The following PHIP variants were observed in gnomAD, a reference collection of about 807,000 sequenced individuals.
PHIP encodes the protein PH-interacting protein.
PHIP carries 54 observed loss-of-function variants against 236.8 expected under a neutral mutation model. That is an observed-to-expected ratio of 0.23 (90% CI 0.18 to 0.29). PHIP has a LOEUF of 0.29. Among genes scored for constraint, PHIP ranks in the 10% least tolerant of loss-of-function variants. The pLI is 1.00. For missense variants in PHIP, 1,370 were observed against 2,190.8 expected, an observed-to-expected ratio of 0.63 and a Z score of 7.48; for synonymous variants, 756 against 718.9, an observed-to-expected ratio of 1.05 and a Z score of -0.83.
At chr6:79,010,255 T>C (rs886800750) in intron 15 of PHIP, among the ~76,000 whole-genome samples, 2 of 151,854 alleles carry the variant, frequency 1.3e-5, no homozygotes, top group Non-Finnish European at 2.9e-5. Flanking sequence ...AAAACTAAAG[T>C]ACAGGTCACA....
chr6:78,947,499 G>A (rs959066237), intron 36 of PHIP, 124 bp downstream of exon 36: 4 of 556,480 alleles, frequency 7.2e-6, no homozygotes, highest in African/African-American at 5.8e-5. Context: ...TTTCCAGTAG[G>A]ACAACATTAA....
chr6:78,972,588 G>C (rs1438816227), intron 24 of PHIP, among the ~76,000 whole-genome samples: 1 of 152,116 alleles, frequency 6.6e-6, no homozygotes, highest in African/African-American at 2.4e-5. Flanking sequence ...CTGAGCTACA[G>C]GAGGACATTC....
chr6:79,038,352 A>G (rs1772046320), intron 7 of PHIP, among the ~76,000 whole-genome samples: 2 of 152,200 alleles, frequency 1.3e-5, no homozygotes, highest in South Asian at 4.1e-4. Context: ...CTCTTTTGTA[A>G]GGGCACTAAT....
At chr6:79,045,300 G>A (rs989031954) in intron 6 of PHIP, among the ~76,000 whole-genome samples, 1 of 152,138 alleles carries the variant, frequency 6.6e-6, no homozygotes, top group African/African-American at 2.4e-5. Context: ...GTATAGTTCA[G>A]TAGTTGTACA....
intron 15 of PHIP, among the ~76,000 whole-genome samples, chr6:79,013,216 G>GT (rs761870882): frequency 2.9e-4 from 44 of 151,788 alleles, no homozygotes; most frequent in Non-Finnish European, 2.8e-4. Context: ...CCCAAAGGAG[G>GT]TAAAATATGT....
chr6:78,989,020 C>T (rs1439473436), intron 20 of PHIP, among the ~76,000 whole-genome samples: 1 of 152,070 alleles, frequency 6.6e-6, no homozygotes, highest in Admixed American at 6.5e-5. Flanking sequence ...CCAATAAACA[C>T]TAAAAAACTG....
chr6:78,948,398 C>T (rs1283320), intron 35 of PHIP, among the ~76,000 whole-genome samples: 6 of 152,120 alleles, frequency 3.9e-5, no homozygotes, highest in Middle Eastern at 6.8e-3. Context: ...AAAACACACA[C>T]GTGAAACAGG....
In PHIP at chr6:78,978,645, T is replaced by C; in HGVS notation, c.2836A>G (p.Ile946Val). Residue 946 changes from isoleucine (I) to valine (V), a missense_variant, in exon 24 of 40, where the codon ATT (isoleucine) becomes GTT (valine). Transcript: ENST00000275034. ...TLEEWLPSTW[I>V]TDTIPRRCPF... is the part of the protein sequence containing the mutation. ...CATCTTCGGGGAATGGTATCTGTAA[T>C]CCATGTTGATGGCAACCATTCTTCT... 1.3e-6 allele frequency: 2 copies of C among 1,597,990 alleles called. No homozygotes were observed. The highest frequency in any genetic ancestry group is 1.7e-6 in the Non-Finnish European group (2 of 1,168,422).
At chr6:79,022,632 T>C (rs1771176273) in intron 9 of PHIP, among the ~76,000 whole-genome samples, 1 of 152,218 alleles carries the variant, frequency 6.6e-6, no homozygotes, top group Non-Finnish European at 1.5e-5. Context: ...GTAATCATCA[T>C]ATTATATGCA....
At chr6:78,974,347 T>C (rs1167751499) in intron 24 of PHIP, among the ~76,000 whole-genome samples, 6 of 151,546 alleles carry the variant, frequency 4.0e-5, no homozygotes, top group Non-Finnish European at 7.4e-5. Flanking sequence ...AGACACAACA[T>C]ACCAGAATCT....
At chr6:79,018,275 T>C (rs1473048906) in intron 10 of PHIP, among the ~76,000 whole-genome samples, 1 of 151,952 alleles carries the variant, frequency 6.6e-6, no homozygotes. Flanking sequence ...TTTGTATGAC[T>C]ACTACAAGGA....
At chr6:79,057,662 C>T (rs1431967790) in intron 6 of PHIP, among the ~76,000 whole-genome samples, 1 of 152,074 alleles carries the variant, frequency 6.6e-6, no homozygotes, top group African/African-American at 2.4e-5. Context: ...GGTAATACCA[C>T]ACTGACCAAG....
intron 8 of PHIP, 50 bp downstream of exon 8, chr6:79,025,893 A>C: frequency 7.7e-7 from 1 of 1,295,862 alleles, no homozygotes. Context: ...AATTTACTTT[A>C]CATTATAACA....
intron 27 of PHIP, among the ~76,000 whole-genome samples, chr6:78,968,401 T>C (rs534006539): frequency 6.6e-6 from 1 of 152,194 alleles, no homozygotes; most frequent in East Asian, 1.9e-4. Context: ...TATTGGCAGA[T>C]TCTGCATCAG....
At position 78,982,944 on chromosome 6, in the gene PHIP, T is replaced by G. The variant is rs756820211; in HGVS notation, c.2711A>C (p.Glu904Ala). 10 of 1,601,686 alleles carry G rather than the reference T, an allele frequency of 6.2e-6. No homozygotes were observed. Among genetic ancestry groups the G allele is most frequent in the Non-Finnish European group, 8.5e-6 (10 of 1,175,330 alleles). Residue 904 changes from glutamate to alanine, a missense_variant, in exon 23 of 40, where the codon GAA becomes GCA. By Grantham distance (107) the Glu-to-Ala change is moderately radical. Around this residue, in one of 14 missense-constraint regions of PHIP, gnomAD observed 76 missense variants for 76.4 expected, o/e 0.99. Coordinates refer to ENST00000275034, the MANE Select transcript of PHIP (RefSeq NM_017934.7). ...QIKKEKKKVNEEKDGPISPKK... is the reference protein window; with the variant it reads ...QIKKEKKKVNAEKDGPISPKK... ...TGGTGATATTGGTCCATCTTTTTCT[T>G]CATTTACTTTTTTCTTTTCCTTTTT...
In PHIP at chr6:79,069,267, C is replaced by T. The variant is rs142344373; in HGVS notation, c.189+8181G>A. ...TACTGTGTAAGGCCTATATTAAAAT[C>T]CCAGCCCCTAAAATTCTAAAAACAT... On this transcript the variant is annotated intron_variant, in intron 4 of 39. Transcript: ENST00000275034. 3.0e-3 allele frequency among the ~76,000 whole-genome samples: 454 copies of T among 150,324 alleles called. 13 individuals are homozygous for T. In the East Asian group the frequency reaches 0.043, roughly 14 times the overall value.
In PHIP at chr6:78,983,076, C is replaced by T; in HGVS notation, c.2579G>A (p.Gly860Glu). The change falls in exon 23 of 40, where the codon GGA becomes GAA. Residue 860 changes from glycine to glutamate, a missense_variant. Physicochemically the swap from Gly to Glu is moderately conservative, Grantham distance 98. Around this residue, in one of 14 missense-constraint regions of PHIP, gnomAD observed 76 missense variants for 76.4 expected, o/e 0.99. Transcript: ENST00000275034. Reference sequence around the variant, plus strand: ...TTTCTTTGGTGGCTGCAGATTAATTCCTGCATCTGCTGTCCAGTCAGAGTA... The same window carrying T: ...TTTCTTTGGTGGCTGCAGATTAATTTCTGCATCTGCTGTCCAGTCAGAGTA... ...SDYSDWTADA[G>E]INLQPPKKVP... 1.2e-5 allele frequency: 19 copies of T among 1,610,756 alleles called. No individual in the cohort carries two copies. Among genetic ancestry groups the T allele is most frequent in the Non-Finnish European group, 1.6e-5 (19 of 1,178,560 alleles).
chr6:79,036,549 C>T (rs1010821241), intron 7 of PHIP, among the ~76,000 whole-genome samples: 2 of 152,106 alleles, frequency 1.3e-5, no homozygotes, highest in Non-Finnish European at 1.5e-5. Context: ...TCTCCATTAC[C>T]ACCTTTCTTC....
rs530420248 is a variant in PHIP, at chr6:78,971,552, G to A, written c.2890-664C>T. Among the ~76,000 whole-genome samples the A allele has an allele frequency of 8.5e-5, 13 of 152,256 alleles. No individual in the cohort carries two copies. The South Asian group carries it at 1.0e-3, about 12-fold the overall frequency. ...AAGATGGCCGAATAGGAACAGCTCC[G>A]GTCTACAGCTCCCAGCCTGAACGAT... On this transcript the variant is annotated intron_variant, in intron 24 of 39. Transcript: ENST00000275034.
Sources: allele counts gnomAD v4.1 joint callset (sites outside exome capture counted in the v4.1 genomes callset), GRCh38; gene constraint gnomAD v4.1.1; regional missense constraint gnomAD v4.1.1; transcripts MANE v1.5; gene names NCBI Gene and HGNC (gene_info 2026-07-23, HGNC 2026-07-21).